Variants in ADGRG1 observed in about 807,000 individuals in gnomAD.
ADGRG1 encodes 7-transmembrane protein with no EGF-like N-terminal domains-1.
A neutral mutation model predicts 73.5 loss-of-function variants in ADGRG1; 53 were observed. The ratio of observed to expected loss-of-function variants is 0.72; its 90% CI spans 0.58 to 0.91. ADGRG1 has a LOEUF of 0.91. Among genes scored for constraint, ADGRG1 ranks in the 40% least tolerant of loss-of-function variants. ADGRG1 has a pLI of 0.00. For synonymous variants in ADGRG1, 394 were observed against 374.4 expected, an observed-to-expected ratio of 1.05 and a Z score of -0.60; for missense variants, 795 against 871.8, an observed-to-expected ratio of 0.91 and a Z score of 1.11.
Position 57,659,551 on chromosome 16 carries a change from C to T in ADGRG1, c.1425C>T (p.Phe475=). The change falls in exon 11 of 14, where the codon TTC becomes TTT. Residue 475 remains phenylalanine, a synonymous_variant. Transcript: ENST00000562631. Reference sequence around the variant, plus strand: ...CTGGCTGCCGAGCCAGTGCCATCTTCCTGCACTTCTCCCTGCTCACCTGCC... The same window carrying T: ...CTGGCTGCCGAGCCAGTGCCATCTTTCTGCACTTCTCCCTGCTCACCTGCC... ...SEAGCRASAI[F]LHFSLLTCLS... is the part of the protein sequence containing the mutation. 1 of 1,614,174 alleles carries T rather than the reference C, an allele frequency of 6.2e-7. No homozygotes were observed. The highest frequency in any genetic ancestry group is 8.5e-7 in the Non-Finnish European group (1 of 1,180,028).
intron 3 of ADGRG1, 98 bp downstream of exon 3, chr16:57,651,720 A>G (rs2044147779): frequency 6.6e-7 from 1 of 1,514,652 alleles, no homozygotes; most frequent in Non-Finnish European, 8.9e-7. Flanking sequence ...TCAGATCATG[A>G]AGACTGGGCT....
At position 57,664,782 on chromosome 16, in the gene ADGRG1, T is replaced by A; in HGVS notation, c.*1200T>A. 1 of 153,544 alleles carries A rather than the reference T, an allele frequency of 6.5e-6. No individual in the cohort carries two copies. 9.5% of individuals were successfully genotyped at this position (153,544 alleles called of 1,614,324 possible). A position where few individuals can be genotyped will look rare whatever the true frequency, so the allele number is the denominator to read the frequency against. On this transcript the variant is annotated 3_prime_UTR_variant, in exon 14 of 14. Coordinates refer to ENST00000562631, the MANE Select transcript of ADGRG1 (RefSeq NM_201525.4). ...TTCAGTCTGGTATGTGAGGCGTGCGTGAAGCAAGAACTCCTGGAGCTACAG... is the reference window on the plus strand; with the variant it reads ...TTCAGTCTGGTATGTGAGGCGTGCGAGAAGCAAGAACTCCTGGAGCTACAG...
intron 4 of ADGRG1, chr16:57,653,656 G>A (rs2044712194): frequency 1.1e-6 from 1 of 924,858 alleles, no homozygotes; most frequent in African/African-American, 1.8e-5. Context: ...AGAGTAGGTT[G>A]GCACAGGCGG....
chr16:57,627,949 A>C (rs892044842), upstream of ADGRG1: 20 of 978,458 alleles, frequency 2.0e-5, no homozygotes, highest in Non-Finnish European at 2.4e-5. Context: ...CCTTTGGCTC[A>C]GCAGATGGAT....
intron 1 of ADGRG1, chr16:57,639,301 G>A (rs985152485): frequency 2.1e-5 from 21 of 985,426 alleles, no homozygotes; most frequent in Non-Finnish European, 2.5e-5. Flanking sequence ...GAGGACTTGG[G>A]AACAGGACAA....
chr16:57,648,432 T>A (rs733463), intron 1 of ADGRG1: 399,304 of 976,932 alleles, frequency 0.41, 82,575 homozygotes, highest in African/African-American at 0.52. Context: ...CAAGATGATG[T>A]GCCTATTTGA....
At chr16:57,659,361 C>G in intron 10 of ADGRG1, 52 bp from the exon 11 acceptor site, 1 of 1,611,640 alleles carries the variant, frequency 6.2e-7, no homozygotes, top group Non-Finnish European at 8.5e-7. Flanking sequence ...TGTGGGCACA[C>G]TCCCCTCTCT....
intron 1 of ADGRG1, 172 bp downstream of exon 1, chr16:57,628,974 G>A (rs2036805064): frequency 1.8e-6 from 1 of 547,056 alleles, no homozygotes; most frequent in South Asian, 8.1e-5. Context: ...GTGTGAGTGT[G>A]TGAGAGTGAG....
intron 12 of ADGRG1, chr16:57,661,423 C>T (rs950514327): frequency 5.9e-5 from 58 of 985,274 alleles, no homozygotes; most frequent in Middle Eastern, 1.0e-3. Flanking sequence ...CCCATTGGCT[C>T]AGTGGTTTTG....
rs753626802 is a variant in ADGRG1 at position 57,659,375 on chromosome 16, T to A, written c.1287-38T>A. On this transcript the variant is annotated intron_variant, in intron 10 of 13. Coordinates refer to ENST00000562631, the MANE Select transcript of ADGRG1 (RefSeq NM_201525.4). ...ATGTGGGCACACTCCCCTCTCTACC[T>A]TCCCACACTGGCCCACCAGGGTGCC... The A allele has an allele frequency of 1.2e-6, 2 of 1,612,610 alleles. No homozygotes were observed. Among genetic ancestry groups the A allele is most frequent in the African/African-American group, 2.7e-5 (2 of 74,904 alleles).
At chr16:57,652,526 C>A in intron 3 of ADGRG1, 1 of 629,592 alleles carries the variant, frequency 1.6e-6, no homozygotes, top group Non-Finnish European at 2.0e-6. Flanking sequence ...AAAGTTGATC[C>A]TAGTTGCAAA....
intron 1 of ADGRG1, chr16:57,631,901 G>A: frequency 1.0e-6 from 1 of 968,892 alleles, no homozygotes; most frequent in Non-Finnish European, 1.2e-6. Flanking sequence ...GGGTAGAGGG[G>A]CCAAGGGTTG....
At chr16:57,646,970 G>A in intron 1 of ADGRG1, 1 of 984,254 alleles carries the variant, frequency 1.0e-6, no homozygotes, top group African/African-American at 1.8e-5. Context: ...GATGGCTGAG[G>A]CCCTGTAGCG....
At position 57,665,314 on chromosome 16, in the gene ADGRG1, C is replaced by T. The variant is rs1033909153; in HGVS notation, c.*1732C>T. On this transcript the variant is annotated 3_prime_UTR_variant, in exon 14 of 14. Coordinates refer to ENST00000562631, the MANE Select transcript of ADGRG1 (RefSeq NM_201525.4). The stretch of plus-strand genomic sequence containing the variant: ...ACCCCATGCTGAGAGCGTGGCTGCT[C>T]ATCAGCTCCAGCTGGTCACTACCTT... 4 of 152,236 alleles carry T rather than the reference C, an allele frequency of 2.6e-5. No homozygotes were observed. Among genetic ancestry groups the T allele is most frequent in the African/African-American group, 7.2e-5 (3 of 41,444 alleles). The allele number at this position is 152,236 out of a possible 1,614,324, so 9.4% of individuals were successfully genotyped here.
chr16:57,638,173 G>T (rs1362117232), intron 1 of ADGRG1, among the ~76,000 whole-genome samples: 1 of 152,212 alleles, frequency 6.6e-6, no homozygotes, highest in Non-Finnish European at 1.5e-5. Flanking sequence ...CATTGAACGT[G>T]GGGGAGAGTT....
intron 1 of ADGRG1, among the ~76,000 whole-genome samples, chr16:57,644,772 A>G (rs575223926): frequency 6.9e-6 from 1 of 144,934 alleles, no homozygotes; most frequent in East Asian, 2.1e-4. Flanking sequence ...CCATGCACAC[A>G]CACATATGCA....
At chr16:57,640,793 G>A (rs2040627543) in intron 1 of ADGRG1, 1 of 693,262 alleles carries the variant, frequency 1.4e-6, no homozygotes. Context: ...AAAAAAGAAA[G>A]GGAGGGTTGG....
intron 1 of ADGRG1, chr16:57,637,470 C>T (rs1401988975): frequency 9.6e-5 from 95 of 985,244 alleles, no homozygotes; most frequent in Non-Finnish European, 1.1e-4. Context: ...GTACCTCCCC[C>T]CAGGTCCCCT....
intron 1 of ADGRG1, chr16:57,645,068 C>T (rs1228239628): frequency 1.0e-6 from 1 of 985,266 alleles, no homozygotes; most frequent in East Asian, 1.1e-4. Flanking sequence ...CACACGCACA[C>T]ACACCCACAT....
Sources: gnomAD v4.1 joint callset for allele counts (sites outside exome capture counted in the v4.1 genomes callset) on GRCh38, gnomAD v4.1.1 for gene constraint, MANE v1.5 for transcripts, NCBI Gene and HGNC (gene_info 2026-07-23, HGNC 2026-07-21) for gene names.